CSNK1A1: variants seen among roughly 807,000 people sequenced by gnomAD.
CSNK1A1 encodes the protein casein kinase 1 alpha 1.
In CSNK1A1, 7 loss-of-function variants were observed where a neutral mutation model predicts 46.1. The ratio of observed to expected loss-of-function variants is 0.15; its 90% confidence interval spans 0.09 to 0.29. CSNK1A1 has a LOEUF of 0.29. CSNK1A1 is among the 10% of genes least tolerant of loss of function. The pLI is 1.00. For missense variants in CSNK1A1, 96 were observed against 417.1 expected (o/e 0.23, Z 6.71); for synonymous variants, 137 against 141.5 (o/e 0.97, Z 0.23).
Position 149,544,758 on chromosome 5 carries a change from T to TATATATATATATATATATATACACACAC in CSNK1A1, c.230+5316_230+5317insGTGTGTGTATATATATATATATATATAT, listed in dbSNP as rs150989849. 1.4e-3 allele frequency among the ~76,000 whole-genome samples: 175 copies of TATATATATATATATATATATACACACAC among 129,244 alleles called. 4 individuals are homozygous for TATATATATATATATATATATACACACAC. Among genetic ancestry groups the TATATATATATATATATATATACACACAC allele is most frequent in the African/African-American group, 5.3e-3 (167 of 31,520 alleles). The allele number at this position is 129,244 out of a possible 152,430, so 84.8% of individuals were successfully genotyped here. On this transcript the variant is annotated intron_variant, in intron 2 of 9. Coordinates refer to ENST00000377843, the MANE Select transcript of CSNK1A1 (RefSeq NM_001892.6). ...AGCTTTATATATATATATATATATA[T>TATATATATATATATATATATACACACAC]ATATATAGTTATTGACCAATCATGT...
intron 3 of CSNK1A1, among the ~76,000 whole-genome samples, chr5:149,522,917 G>A (rs1263579503): frequency 1.3e-5 from 2 of 152,112 alleles, no homozygotes; most frequent in Non-Finnish European, 2.9e-5. Context: ...CCAGCACTAA[G>A]TACAGTGGTA....
At chr5:149,503,612 A>G (rs1484769489) in intron 9 of CSNK1A1, 2 of 985,254 alleles carry the variant, frequency 2.0e-6, no homozygotes, top group African/African-American at 3.5e-5. Context: ...AATAGCTACA[A>G]TACAAAATAA....
chr5:149,521,407 C>T (rs1364140010), intron 3 of CSNK1A1, among the ~76,000 whole-genome samples: 7 of 151,312 alleles, frequency 4.6e-5, no homozygotes, highest in Non-Finnish European at 1.0e-4. Flanking sequence ...GTAGCTGAAA[C>T]TATAAGGTGC....
chr5:149,542,587 C>T (rs114123372), intron 2 of CSNK1A1, among the ~76,000 whole-genome samples: 13,233 of 68,840 alleles, frequency 0.19, 1,626 homozygotes, highest in South Asian at 0.32. Context: ...AAATGAGATA[C>T]AAATTTATAT....
chr5:149,550,081 TG>T lies in CSNK1A1; in HGVS notation c.223del (p.His75ThrfsTer14). 1 of 1,613,466 alleles carries T rather than the reference TG, an allele frequency of 6.2e-7. No individual in the cohort carries two copies. Among genetic ancestry groups the T allele is most frequent in the Middle Eastern group, 1.7e-4 (1 of 6,038 alleles). ...KILQGGVGIPHIRWYGQEKDY... is the reference protein window; with the variant it reads ...KILQGGVGIPXIRWYGQEKDY... Reference sequence around the variant, plus strand: ...ATATGCACCGGGTTCTTACCGTATGTGGGGGATGCCAACCCCACCTTGAAGA... The same window carrying T: ...ATATGCACCGGGTTCTTACCGTATGTGGGGATGCCAACCCCACCTTGAAGA... On this transcript the variant is annotated frameshift_variant, in exon 2 of 10. Coordinates refer to ENST00000377843, the MANE Select transcript of CSNK1A1 (RefSeq NM_001892.6). LOFTEE classifies it high-confidence loss of function. The surrounding 1 kb of genome is among the most constrained non-coding windows in gnomAD (Gnocchi z 4.3).
At chr5:149,508,420 T>C (rs1227843290) in intron 7 of CSNK1A1, among the ~76,000 whole-genome samples, 1 of 152,140 alleles carries the variant, frequency 6.6e-6, no homozygotes, top group African/African-American at 2.4e-5. Context: ...TAACTCTCAC[T>C]GATTTCTTCC....
intron 8 of CSNK1A1, among the ~76,000 whole-genome samples, chr5:149,506,282 G>C (rs1761021288): frequency 6.6e-6 from 1 of 151,866 alleles, no homozygotes; most frequent in Admixed American, 6.6e-5. Flanking sequence ...TGTCACCCAG[G>C]TTGGAGTGCA....
At chr5:149,529,539 TCTG>T in intron 2 of CSNK1A1, 1 of 316,156 alleles carries the variant, frequency 3.2e-6, no homozygotes, top group Non-Finnish European at 6.4e-6. Flanking sequence ...AGGAAAATAG[TCTG>T]CTACCAGTCA....
At chr5:149,526,170 C>T (rs764999811) in intron 2 of CSNK1A1, among the ~76,000 whole-genome samples, 4 of 152,042 alleles carry the variant, frequency 2.6e-5, no homozygotes, top group Non-Finnish European at 5.9e-5. Context: ...GACAAGGTCT[C>T]GCTCTGTTGC....
intron 9 of CSNK1A1, chr5:149,501,400 GTGC>G: frequency 3.0e-6 from 3 of 985,458 alleles, no homozygotes; most frequent in Non-Finnish European, 3.6e-6. Flanking sequence ...TGATGTGGGT[GTGC>G]TGCTGAGTGA....
chr5:149,550,992 C>G lies in CSNK1A1; in HGVS notation c.-28G>C, dbSNP rs1762641297. 4.3e-6 allele frequency: 7 copies of G among 1,613,026 alleles called. No individual in the cohort carries two copies. The highest frequency in any genetic ancestry group is 5.9e-6 in the Non-Finnish European group (7 of 1,179,770). On this transcript the variant is annotated 5_prime_UTR_variant, in exon 1 of 10. Transcript: ENST00000377843. The surrounding 1 kb of genome is among the most constrained non-coding windows in gnomAD (Gnocchi z 4.3). ...TGAGAGACGAAGATGGAGGCTGGGG[C>G]CAAGCCCCGACACCTCTGGGAAGAG...
chr5:149,518,790 G>A (rs1057252245), intron 4 of CSNK1A1, among the ~76,000 whole-genome samples: 3 of 151,990 alleles, frequency 2.0e-5, no homozygotes, highest in South Asian at 2.1e-4. Flanking sequence ...CTATTCTTAA[G>A]GGGGTTGTGG....
chr5:149,545,363 A>G, intron 2 of CSNK1A1: 1 of 426,800 alleles, frequency 2.3e-6, no homozygotes, highest in Non-Finnish European at 4.3e-6. Flanking sequence ...TTCTGTCCTC[A>G]CGTTGGCAGA....
chr5:149,501,994 G>A (rs919363158), intron 9 of CSNK1A1: 1 of 952,426 alleles, frequency 1.0e-6, no homozygotes, highest in Non-Finnish European at 1.2e-6. Flanking sequence ...GTGGCATAAA[G>A]AGAAGTCTTT....
chr5:149,543,399 G>A (rs755132720), intron 2 of CSNK1A1, among the ~76,000 whole-genome samples: 5 of 152,066 alleles, frequency 3.3e-5, no homozygotes, highest in Non-Finnish European at 5.9e-5. Flanking sequence ...TCATAAGCCA[G>A]TATAAAGCAG....
intron 2 of CSNK1A1, chr5:149,549,424 T>A (rs1295002378): frequency 1.4e-6 from 1 of 701,098 alleles, no homozygotes; most frequent in African/African-American, 1.7e-5. Context: ...TCACAAACAC[T>A]GTCACTATGC....
intron 3 of CSNK1A1, among the ~76,000 whole-genome samples, chr5:149,522,300 G>C (rs371131628): frequency 2.6e-5 from 4 of 151,936 alleles, no homozygotes; most frequent in East Asian, 1.9e-4. Context: ...TGTGGAAAGG[G>C]GGGTATCGTT....
In CSNK1A1 at chr5:149,545,654, T is replaced by C. The variant is rs1446243937; in HGVS notation, c.230+4421A>G. 5 of 871,034 alleles carry C rather than the reference T, an allele frequency of 5.7e-6. No individual in the cohort carries two copies. In the East Asian group the frequency reaches 8.6e-5, roughly 15 times the overall value. 54.0% of individuals were successfully genotyped at this position (871,034 alleles called of 1,614,324 possible). On this transcript the variant is annotated intron_variant, in intron 2 of 9. Coordinates refer to ENST00000377843, the MANE Select transcript of CSNK1A1 (RefSeq NM_001892.6). ...CTGCTAGCCTCAGCAAGTGCACTCATTGCCTTGGCATTGTTGGCCTGCATC... is the reference window on the plus strand; with the variant it reads ...CTGCTAGCCTCAGCAAGTGCACTCACTGCCTTGGCATTGTTGGCCTGCATC...
In CSNK1A1 at chr5:149,493,918, A is replaced by C. The variant is rs1419457559; in HGVS notation, c.*2935T>G. The stretch of plus-strand genomic sequence containing the variant: ...TTATACCAGTTTGAGTCAGAACCAG[A>C]CTGTTCCAGACTAGTTGGAAAACGA... On this transcript the variant is annotated 3_prime_UTR_variant, in exon 10 of 10. Coordinates refer to ENST00000377843, the MANE Select transcript of CSNK1A1 (RefSeq NM_001892.6). 6.6e-6 allele frequency: 1 copy of C among 152,042 alleles called. No individual in the cohort carries two copies. Among genetic ancestry groups the C allele is most frequent in the Admixed American group, 6.6e-5 (1 of 15,264 alleles). The allele number at this position is 152,042 out of a possible 1,614,324, so 9.4% of individuals were successfully genotyped here. A position where few individuals can be genotyped will look rare whatever the true frequency, so the allele number is the denominator to read the frequency against.
Sources: gnomAD v4.1 joint callset for allele counts (sites outside exome capture counted in the v4.1 genomes callset) on GRCh38, gnomAD v4.1.1 for gene constraint, Gnocchi (gnomAD v3.1) non-coding constraint, MANE v1.5 for transcripts, NCBI Gene and HGNC (gene_info 2026-07-23, HGNC 2026-07-21) for gene names.